NLRP1: variants seen among roughly 807,000 people sequenced by gnomAD.
NLRP1 encodes the protein NACHT, LRR and PYD domains-containing protein 1.
In NLRP1, 94 loss-of-function variants were observed where a neutral mutation model predicts 136.7. The observed-to-expected ratio is 0.69, with a 90% CI of 0.58 to 0.82. The LOEUF (loss-of-function observed/expected upper bound fraction) is 0.82, where lower values mean the gene tolerates loss of function less well. Among genes scored for constraint, NLRP1 ranks in the 40% least tolerant of loss-of-function variants. The pLI is 0.00. For synonymous variants in NLRP1, 690 were observed against 725.1 expected (o/e 0.95, Z 0.78); for missense variants, 1,575 against 1,802.7 (o/e 0.87, Z 2.29).
intron 12 of NLRP1, among the ~76,000 whole-genome samples, chr17:5,522,416 C>T (rs1190484841): frequency 6.6e-6 from 1 of 152,226 alleles, no homozygotes; most frequent in Admixed American, 6.5e-5. Context: ...TGTGAGGACA[C>T]AGCTAGAAGG....
intron 12 of NLRP1, among the ~76,000 whole-genome samples, chr17:5,522,473 C>T (rs141885518): frequency 6.6e-6 from 1 of 152,320 alleles, no homozygotes; most frequent in Non-Finnish European, 1.5e-5. Context: ...AATCTGCTGG[C>T]GCCTTGATCT....
chr17:5,561,796 C>T (rs1914788491), intron 3 of NLRP1, among the ~76,000 whole-genome samples: 2 of 152,196 alleles, frequency 1.3e-5, no homozygotes, highest in South Asian at 4.1e-4. Context: ...TTATTTTGTT[C>T]AGGTTCCCCA....
intron 9 of NLRP1, among the ~76,000 whole-genome samples, 167 bp from the exon 10 acceptor site, chr17:5,533,551 G>GTTTTTTTTTTTTT (rs35006823): frequency 1.2e-4 from 11 of 90,030 alleles, no homozygotes; most frequent in African/African-American, 1.8e-4. Context: ...GTGAGACTCT[G>GTTTTTTTTTTTTT]TTTTTTTTTT....
At chr17:5,509,521 C>T (rs1907517433), downstream of NLRP1, among the ~76,000 whole-genome samples, 1 of 152,178 alleles carries the variant, frequency 6.6e-6, no homozygotes, top group South Asian at 2.1e-4. Flanking sequence ...TTAAGCTCAG[C>T]CCAGGGCTCC....
At chr17:5,554,279 T>C (rs1039274844) in intron 4 of NLRP1, among the ~76,000 whole-genome samples, 1 of 152,122 alleles carries the variant, frequency 6.6e-6, no homozygotes, top group African/African-American at 2.4e-5. Context: ...TCTGAGGGTG[T>C]TAGAGTAGAC....
At chr17:5,521,163 G>A in intron 13 of NLRP1, 151 bp from the exon 14 acceptor site, 1 of 744,972 alleles carries the variant, frequency 1.3e-6, no homozygotes, top group Non-Finnish European at 2.1e-6. Context: ...TACAGAGACA[G>A]CCCGCACTTG....
At chr17:5,568,247 ATTC>A (rs369826333) in intron 3 of NLRP1, among the ~76,000 whole-genome samples, 125 of 151,282 alleles carry the variant, frequency 8.3e-4, no homozygotes, top group Middle Eastern at 3.4e-3. Context: ...TGTTTTTTTT[ATTC>A]TTTTTTCTTT....
At position 5,584,272 on chromosome 17, in the gene NLRP1, T is replaced by A. The variant is rs201572973; in HGVS notation, c.-315A>T. On this transcript the variant is annotated 5_prime_UTR_variant, in exon 1 of 17. Transcript: ENST00000572272. ...TGAGGGGAGATGTGGTGACGGGAGA[T>A]GGGGTGTGGGCAACGCTCACTGTTC... 2.5e-5 allele frequency: 11 copies of A among 441,628 alleles called. No individual in the cohort carries two copies. The highest frequency in any genetic ancestry group is 4.6e-5 in the Non-Finnish European group (11 of 240,760). 27.4% of individuals were successfully genotyped at this position (441,628 alleles called of 1,614,324 possible).
rs1911300307 is a variant in NLRP1 at position 5,537,919 on chromosome 17, G to A, written c.2871-979C>T. Among the ~76,000 whole-genome samples, 1 of 152,236 alleles carries A rather than the reference G, an allele frequency of 6.6e-6. No individual in the cohort carries two copies. Among genetic ancestry groups the A allele is most frequent in the South Asian group, 2.1e-4 (1 of 4,824 alleles). ...GATAGCCAAAAATACTCAGTGGGGA[G>A]CAGCAGGCTGGGGTGCAAAGGTGCT... On this transcript the variant is annotated intron_variant, in intron 7 of 16. Coordinates refer to ENST00000572272, the MANE Select transcript of NLRP1 (RefSeq NM_033004.4). The surrounding 1 kb of genome is among the most constrained non-coding windows in gnomAD (Gnocchi z 4.5).
chr17:5,565,119 G>A (rs1456750808), intron 3 of NLRP1, among the ~76,000 whole-genome samples: 1 of 152,212 alleles, frequency 6.6e-6, no homozygotes, highest in Non-Finnish European at 1.5e-5. Context: ...GTGTATGAGA[G>A]TTTCCTTTTC....
chr17:5,561,228 G>A (rs962858628), intron 3 of NLRP1, among the ~76,000 whole-genome samples: 1 of 151,904 alleles, frequency 6.6e-6, no homozygotes, highest in African/African-American at 2.4e-5. Context: ...GCTAATTTTT[G>A]TATTTTTGTA....
chr17:5,558,151 G>A (rs1490979236), intron 4 of NLRP1, among the ~76,000 whole-genome samples, 188 bp downstream of exon 4: 1 of 152,188 alleles, frequency 6.6e-6, no homozygotes, highest in Non-Finnish European at 1.5e-5. Flanking sequence ...CCACAGCCGG[G>A]CACTGCAGAG....
intron 3 of NLRP1, among the ~76,000 whole-genome samples, chr17:5,564,073 A>G (rs11652700): frequency 0.16 from 23,815 of 152,078 alleles, 2,010 homozygotes; most frequent in Middle Eastern, 0.2. Context: ...AATTTTGTGG[A>G]TATGTAGTAG....
intron 12 of NLRP1, among the ~76,000 whole-genome samples, chr17:5,523,571 T>A (rs924195258): frequency 6.6e-6 from 1 of 152,202 alleles, no homozygotes; most frequent in Non-Finnish European, 1.5e-5. Flanking sequence ...AATTGGTACC[T>A]TTGATTGCAG....
chr17:5,518,462 C>T (rs1284566277), intron 14 of NLRP1: 1 of 152,364 alleles, frequency 6.6e-6, no homozygotes, highest in Non-Finnish European at 1.5e-5. Flanking sequence ...ACCCTGAATT[C>T]ATATACTTTT....
chr17:5,546,969 C>T (rs1265020976), intron 5 of NLRP1, among the ~76,000 whole-genome samples: 2 of 152,106 alleles, frequency 1.3e-5, no homozygotes, highest in East Asian at 3.9e-4. Context: ...TAATCAGGCC[C>T]CGGCTTACCT....
At chr17:5,516,674 C>T (rs989611801) in intron 15 of NLRP1, among the ~76,000 whole-genome samples, 3 of 152,182 alleles carry the variant, frequency 2.0e-5, no homozygotes, top group Admixed American at 6.5e-5. Flanking sequence ...TTTTTACAGA[C>T]GAGGGACTCA....
rs1034576250 is a variant in NLRP1, at chr17:5,559,644, C to A, written c.1052G>T (p.Trp351Leu). Reference sequence around the variant, plus strand: ...GTCCCCATACAGCTGGCCTCTCCCCCAGGCTTCCTTCACCTGCCTGGCCAG... The same window carrying A: ...GTCCCCATACAGCTGGCCTCTCCCCAAGGCTTCCTTCACCTGCCTGGCCAG... Reference protein sequence around the residue: ...STLARQVKEAWGRGQLYGDRF... With the variant: ...STLARQVKEALGRGQLYGDRF... Residue 351 changes from tryptophan (W) to leucine (L), a missense_variant, in exon 4 of 17, where the codon TGG becomes TTG. Transcript: ENST00000572272. The A allele has an allele frequency of 3.7e-6, 6 of 1,614,148 alleles. No individual in the cohort carries two copies. The highest frequency in any genetic ancestry group is 3.3e-5 in the Admixed American group (2 of 60,014).
At position 5,521,831 on chromosome 17, in the gene NLRP1, T is replaced by C. The variant is rs772384887; in HGVS notation, c.3521-45A>G. ...AGAGGCACAGGTTTATTTTTATTTA[T>C]TTATTTTGTTGAGACAGAGTTTCGC... On this transcript the variant is annotated intron_variant, in intron 12 of 16. Transcript: ENST00000572272. 7.2e-6 allele frequency: 11 copies of C among 1,519,088 alleles called. No individual in the cohort carries two copies. The South Asian group carries it at 1.2e-4, about 16-fold the overall frequency. 94.1% of individuals were successfully genotyped at this position (1,519,088 alleles called of 1,614,324 possible). A position where few individuals can be genotyped will look rare whatever the true frequency, so the allele number is the denominator to read the frequency against.
Sources: gnomAD v4.1 joint callset for allele counts (sites outside exome capture counted in the v4.1 genomes callset) on GRCh38, gnomAD v4.1.1 for gene constraint, Gnocchi (gnomAD v3.1) non-coding constraint, MANE v1.5 for transcripts, NCBI Gene and HGNC (gene_info 2026-07-23, HGNC 2026-07-21) for gene names.